Variants in EYA3 observed in about 807,000 individuals in gnomAD.
The protein encoded by EYA3 is protein phosphatase EYA3.
In EYA3, 39 loss-of-function variants were observed where a neutral mutation model predicts 80.0. The observed-to-expected ratio is 0.49, with a 90% CI of 0.38 to 0.64. The LOEUF (loss-of-function observed/expected upper bound fraction) is 0.64, where lower values mean the gene tolerates loss of function less well. Ranked by LOEUF, EYA3 falls within the 30% of genes least tolerant of loss-of-function variation. The probability of loss-of-function intolerance (pLI) is 0.00; values close to 1 mark genes in which losing one functional copy is unlikely to be tolerated. For missense variants in EYA3, 523 were observed against 676.1 expected, an observed-to-expected ratio of 0.77 and a Z score of 2.51; for synonymous variants, 206 against 232.8, an observed-to-expected ratio of 0.88 and a Z score of 1.05.
intron 2 of EYA3, among the ~76,000 whole-genome samples, chr1:28,053,266 G>A (rs1644332042): frequency 6.6e-6 from 1 of 151,512 alleles, no homozygotes; most frequent in African/African-American, 2.4e-5. Flanking sequence ...CTACTGCACT[G>A]TATACGCTAA....
intron 13 of EYA3, among the ~76,000 whole-genome samples, chr1:27,996,523 C>T (rs1032982843): frequency 1.3e-5 from 2 of 152,190 alleles, no homozygotes; most frequent in African/African-American, 4.8e-5. Flanking sequence ...CCATGTGACA[C>T]CACAACATGT....
intron 2 of EYA3, among the ~76,000 whole-genome samples, chr1:28,053,245 T>A (rs1469462790): frequency 6.7e-6 from 1 of 150,092 alleles, no homozygotes; most frequent in Non-Finnish European, 1.5e-5. Flanking sequence ...CATTTTAGAA[T>A]AGACTAAAAA....
chr1:28,057,013 C>T (rs996818561), intron 2 of EYA3, among the ~76,000 whole-genome samples: 4 of 152,138 alleles, frequency 2.6e-5, no homozygotes, highest in African/African-American at 9.7e-5. Flanking sequence ...ATAGGGATCA[C>T]ACTTCAAATG....
At chr1:28,038,813 AT>A (rs1571868419) in intron 5 of EYA3, 25 bp downstream of exon 5, 2 of 1,406,964 alleles carry the variant, frequency 1.4e-6, no homozygotes, top group African/African-American at 1.4e-5. Flanking sequence ...AAGCATATGC[AT>A]TTTGGAAATA....
intron 16 of EYA3, among the ~76,000 whole-genome samples, chr1:27,986,095 G>A (rs1202643269): frequency 6.6e-6 from 1 of 151,996 alleles, no homozygotes; most frequent in African/African-American, 2.4e-5. Flanking sequence ...GCGAGGTGCG[G>A]TGGCTCATGC....
intron 4 of EYA3, among the ~76,000 whole-genome samples, chr1:28,041,087 G>A (rs1643750583): frequency 6.6e-6 from 1 of 152,194 alleles, no homozygotes; most frequent in African/African-American, 2.4e-5. Context: ...GAAATGGCTG[G>A]GTGTGGTGGC....
intron 7 of EYA3, among the ~76,000 whole-genome samples, chr1:28,025,095 A>C (rs1056976432): frequency 3.9e-5 from 6 of 152,206 alleles, no homozygotes; most frequent in African/African-American, 1.2e-4. Flanking sequence ...CCATGCTAAA[A>C]GGAAAGGGAA....
intron 16 of EYA3, among the ~76,000 whole-genome samples, chr1:27,982,923 C>A (rs1291721252): frequency 6.6e-6 from 1 of 152,140 alleles, no homozygotes; most frequent in East Asian, 1.9e-4. Flanking sequence ...CCACTTTTAA[C>A]TGCAATATAG....
intron 1 of EYA3, among the ~76,000 whole-genome samples, chr1:28,070,710 T>G (rs957425964): frequency 2.6e-5 from 4 of 152,170 alleles, no homozygotes; most frequent in Non-Finnish European, 4.4e-5. Context: ...CTAATGAAAG[T>G]GTTACATAAT....
chr1:28,008,350 T>G (rs903064665), intron 10 of EYA3, among the ~76,000 whole-genome samples: 4 of 151,802 alleles, frequency 2.6e-5, no homozygotes, highest in Non-Finnish European at 5.9e-5. Context: ...AAAAAATACA[T>G]AAAAATCTTC....
At chr1:28,035,824 T>C in intron 5 of EYA3, 144 bp from the exon 6 acceptor site, 1 of 764,716 alleles carries the variant, frequency 1.3e-6, no homozygotes, top group South Asian at 1.8e-5. Flanking sequence ...TCAAAAATTT[T>C]TTATTTTTGA....
chr1:28,053,271 C>T (rs538231818), intron 2 of EYA3, among the ~76,000 whole-genome samples: 5 of 151,144 alleles, frequency 3.3e-5, no homozygotes, highest in East Asian at 1.9e-4. Context: ...GCACTGTATA[C>T]GCTAAAAGGG....
chr1:28,064,384 AT>A (rs1644754860), intron 1 of EYA3, among the ~76,000 whole-genome samples: 1 of 149,798 alleles, frequency 6.7e-6, no homozygotes, highest in Non-Finnish European at 1.5e-5. Flanking sequence ...CTCTCTATAT[AT>A]ATATATATAA....
intron 7 of EYA3, among the ~76,000 whole-genome samples, chr1:28,017,511 CTAA>C (rs1241206147): frequency 1.3e-5 from 2 of 152,276 alleles, no homozygotes; most frequent in East Asian, 3.9e-4. Context: ...ACAGCTCATA[CTAA>C]TAATATCAAT....
At chr1:28,078,571 A>T (rs1355922140) in intron 1 of EYA3, among the ~76,000 whole-genome samples, 1 of 152,150 alleles carries the variant, frequency 6.6e-6, no homozygotes, top group Non-Finnish European at 1.5e-5. Context: ...TAATTGAGAC[A>T]GTCTCGCTCT....
At chr1:28,081,877 A>G (rs1259807582) in intron 1 of EYA3, among the ~76,000 whole-genome samples, 1 of 152,176 alleles carries the variant, frequency 6.6e-6, no homozygotes, top group East Asian at 1.9e-4. Context: ...AAAGAAAACT[A>G]TTGAAATGTT....
chr1:27,991,142 G>A (rs146167489), intron 14 of EYA3, among the ~76,000 whole-genome samples: 271 of 152,078 alleles, frequency 1.8e-3, no homozygotes, highest in African/African-American at 6.1e-3. Flanking sequence ...ACCAAAGTGC[G>A]AAAAATTAGT....
At chr1:28,029,934 T>A (rs1406650817) in intron 6 of EYA3, among the ~76,000 whole-genome samples, 1 of 152,112 alleles carries the variant, frequency 6.6e-6, no homozygotes, top group Non-Finnish European at 1.5e-5. Flanking sequence ...GTGTTCTGAA[T>A]AGCTATGGTT....
At chr1:27,981,244 T>C (rs1180121806) in intron 16 of EYA3, among the ~76,000 whole-genome samples, 4 of 152,222 alleles carry the variant, frequency 2.6e-5, no homozygotes, top group African/African-American at 9.6e-5. Flanking sequence ...CTACTGTGGT[T>C]ACCATAGCAC....
Sources: gnomAD v4.1 joint callset for allele counts (sites outside exome capture counted in the v4.1 genomes callset) on GRCh38, gnomAD v4.1.1 for gene constraint, MANE v1.5 for transcripts, NCBI Gene and HGNC (gene_info 2026-07-23, HGNC 2026-07-21) for gene names.